Variants in FHOD3 observed in about 807,000 individuals in gnomAD.
FHOD3 encodes FH1/FH2 domain-containing protein 3.
A neutral mutation model predicts 173.0 loss-of-function variants in FHOD3; 90 were observed. The ratio of observed to expected loss-of-function variants is 0.52; its 90% confidence interval spans 0.44 to 0.62. The LOEUF (loss-of-function observed/expected upper bound fraction) is 0.62, where lower values mean the gene tolerates loss of function less well. FHOD3 is among the 20% of genes least tolerant of loss of function. The pLI, the probability that FHOD3 is intolerant of heterozygous loss-of-function variation, is 0.00. For synonymous variants in FHOD3, 828 were observed against 823.0 expected (o/e 1.01, Z -0.10); for missense variants, 1,945 against 2,034.7 (o/e 0.96, Z 0.85).
chr18:36,636,554 A>G (rs916823115), intron 10 of FHOD3, among the ~76,000 whole-genome samples: 1 of 152,144 alleles, frequency 6.6e-6, no homozygotes, highest in South Asian at 2.1e-4. Context: ...CTTCCCAAAG[A>G]CATGATAGCT....
intron 5 of FHOD3, among the ~76,000 whole-genome samples, chr18:36,572,791 C>T (rs1457500851): frequency 6.6e-6 from 1 of 152,148 alleles, no homozygotes; most frequent in Non-Finnish European, 1.5e-5. Flanking sequence ...GTGGATATAC[C>T]TTCCAGAAGG....
rs1023629207 is a variant in FHOD3, at chr18:36,749,945, CT to C, written c.4232+2820del. Among the ~76,000 whole-genome samples the C allele has an allele frequency of 3.8e-4, 56 of 147,366 alleles. No homozygotes were observed. The East Asian group carries it at 4.1e-3, about 11-fold the overall frequency. ...TCTCTGATGATCAGTGATGTTGAGC[CT>C]TTTTTTTTTCCATATTCTTGTTGGT... On this transcript the variant is annotated intron_variant, in intron 24 of 28. Coordinates refer to ENST00000590592, the MANE Select transcript of FHOD3 (RefSeq NM_001281740.3).
intron 3 of FHOD3, among the ~76,000 whole-genome samples, chr18:36,396,570 A>T (rs1337516657): frequency 6.6e-6 from 1 of 151,946 alleles, no homozygotes; most frequent in African/African-American, 2.4e-5. Flanking sequence ...GATATTCTTG[A>T]GTTCTGTTCA....
chr18:36,534,556 G>A (rs1489697171), intron 5 of FHOD3, among the ~76,000 whole-genome samples: 1 of 151,778 alleles, frequency 6.6e-6, no homozygotes, highest in Admixed American at 6.6e-5. Flanking sequence ...GCCCAGGCTG[G>A]AGTGCAGTGT....
chr18:36,411,086 A>G (rs1489951125), intron 3 of FHOD3, among the ~76,000 whole-genome samples: 1 of 152,142 alleles, frequency 6.6e-6, no homozygotes, highest in Non-Finnish European at 1.5e-5. Flanking sequence ...ATAATTGCCT[A>G]ATCCAAGGCC....
chr18:36,316,563 G>A (rs1253212940), intron 1 of FHOD3, among the ~76,000 whole-genome samples: 1 of 152,120 alleles, frequency 6.6e-6, no homozygotes, highest in Non-Finnish European at 1.5e-5. Flanking sequence ...TTGATTGAAG[G>A]GCCTTTGGTG....
chr18:36,701,223 A>G (rs2039571176), intron 17 of FHOD3, among the ~76,000 whole-genome samples: 1 of 152,206 alleles, frequency 6.6e-6, no homozygotes, highest in Non-Finnish European at 1.5e-5. Context: ...TACATGAGCC[A>G]TGGGTGGAGG....
At chr18:36,682,608 A>C (rs2038325618) in intron 15 of FHOD3, among the ~76,000 whole-genome samples, 1 of 152,116 alleles carries the variant, frequency 6.6e-6, no homozygotes, top group East Asian at 1.9e-4. Flanking sequence ...TTTGAGACAG[A>C]GTCTCACTTT....
intron 1 of FHOD3, among the ~76,000 whole-genome samples, chr18:36,308,910 G>C (rs768646499): frequency 5.3e-5 from 8 of 152,200 alleles, no homozygotes; most frequent in Non-Finnish European, 1.0e-4. Context: ...ATGATTTGTG[G>C]ATGTTATAAC....
intron 24 of FHOD3, among the ~76,000 whole-genome samples, chr18:36,748,382 A>AACACACACACACACACACACACAC (rs532609709): frequency 1.4e-5 from 2 of 143,484 alleles, no homozygotes; most frequent in African/African-American, 2.6e-5. Flanking sequence ...ACACACACAC[A>AACACACACACACACACACACACAC]ACACACACAC....
intron 10 of FHOD3, 117 bp downstream of exon 10, chr18:36,625,866 C>T (rs1419809604): frequency 2.4e-6 from 2 of 824,308 alleles, no homozygotes; most frequent in South Asian, 5.6e-5. Flanking sequence ...CAGCATTGCT[C>T]CCTACCTCTT....
intron 15 of FHOD3, among the ~76,000 whole-genome samples, chr18:36,684,030 C>T (rs912650929): frequency 2.0e-5 from 3 of 152,314 alleles, no homozygotes; most frequent in Admixed American, 2.0e-4. Context: ...AGAGAGCACT[C>T]CTGAATGCAT....
intron 1 of FHOD3, among the ~76,000 whole-genome samples, chr18:36,333,488 T>C (rs2045131562): frequency 6.6e-6 from 1 of 152,254 alleles, no homozygotes; most frequent in Non-Finnish European, 1.5e-5. Flanking sequence ...ATTCTGCCTT[T>C]TTGGGTTTAT....
chr18:36,395,276 C>T (rs150483261), intron 3 of FHOD3, among the ~76,000 whole-genome samples: 8 of 148,202 alleles, frequency 5.4e-5, no homozygotes, highest in South Asian at 4.3e-4. Flanking sequence ...AAGATCATGC[C>T]ACTGCACTCC....
chr18:36,551,457 A>G (rs1302215405), intron 5 of FHOD3, among the ~76,000 whole-genome samples: 1 of 151,876 alleles, frequency 6.6e-6, no homozygotes, highest in African/African-American at 2.4e-5. Context: ...TCTTTAATTT[A>G]ATTTGATTAA....
intron 13 of FHOD3, 81 bp downstream of exon 13, chr18:36,653,497 G>A (rs750536586): frequency 1.7e-5 from 17 of 1,019,738 alleles, no homozygotes; most frequent in Non-Finnish European, 2.4e-5. Context: ...TTCAAAGAAT[G>A]CTAATATCTT....
At chr18:36,558,321 A>G (rs73429659) in intron 5 of FHOD3, among the ~76,000 whole-genome samples, 2,290 of 152,142 alleles carry the variant, frequency 0.015, 60 homozygotes, top group African/African-American at 0.052. Context: ...GGGCCACTGG[A>G]GGGCTCACCT....
At chr18:36,522,414 G>A (rs1237196920) in intron 5 of FHOD3, among the ~76,000 whole-genome samples, 1 of 152,180 alleles carries the variant, frequency 6.6e-6, no homozygotes, top group Admixed American at 6.5e-5. Context: ...AAAAAATGCC[G>A]ATGTACTAAA....
chr18:36,690,353 A>C (rs502154), intron 16 of FHOD3, among the ~76,000 whole-genome samples: 1 of 151,980 alleles, frequency 6.6e-6, no homozygotes, highest in Non-Finnish European at 1.5e-5. Flanking sequence ...GTTTGTGGAT[A>C]GAAAGCCCGG....
Sources: allele counts gnomAD v4.1 joint callset (sites outside exome capture counted in the v4.1 genomes callset), GRCh38; gene constraint gnomAD v4.1.1; transcripts MANE v1.5; gene names NCBI Gene and HGNC (gene_info 2026-07-23, HGNC 2026-07-21).